MCTP2: variants seen among roughly 807,000 people sequenced by gnomAD.
MCTP2 encodes the protein multiple C2 and transmembrane domain containing 2, also known as multiple C2 and transmembrane domain-containing protein 2.
MCTP2 carries 132 observed loss-of-function variants against 111.6 expected under a neutral mutation model. The ratio of observed to expected loss-of-function variants is 1.18; its 90% CI spans 1.03 to 1.37. The LOEUF is 1.37. Among genes scored for constraint, MCTP2 ranks in the 40% most tolerant of loss-of-function variants. MCTP2 has a pLI of 0.00. For synonymous variants in MCTP2, 395 were observed against 387.7 expected, an observed-to-expected ratio of 1.02 and a Z score of -0.22; for missense variants, 1,183 against 1,067.9, an observed-to-expected ratio of 1.11 and a Z score of -1.50.
intron 22 of MCTP2, among the ~76,000 whole-genome samples, chr15:94,478,612 A>T (rs2074556941): frequency 6.6e-6 from 1 of 152,216 alleles, no homozygotes; most frequent in Non-Finnish European, 1.5e-5. Flanking sequence ...ATCCTCAGTA[A>T]GTTGCTGTAT....
chr15:94,460,767 C>G (rs1166464182), intron 20 of MCTP2, among the ~76,000 whole-genome samples: 2 of 152,218 alleles, frequency 1.3e-5, no homozygotes, highest in African/African-American at 4.8e-5. Context: ...AGCCCATGAA[C>G]AGAGTACTGT....
chr15:94,261,071 C>T (rs909801139), intron 1 of MCTP2, among the ~76,000 whole-genome samples: 20 of 152,102 alleles, frequency 1.3e-4, no homozygotes, highest in African/African-American at 4.6e-4. Context: ...AGTCAGAAAA[C>T]TTTTAAATCT....
At chr15:94,333,169 A>T (rs886511381) in intron 4 of MCTP2, among the ~76,000 whole-genome samples, 1 of 152,134 alleles carries the variant, frequency 6.6e-6, no homozygotes, top group African/African-American at 2.4e-5. Flanking sequence ...CAGAAGGTGG[A>T]GTAGGTTGCA....
In MCTP2 at chr15:94,466,048, C is replaced by T. The variant is rs116826156; in HGVS notation, c.2361-4285C>T. On this transcript the variant is annotated intron_variant, in intron 20 of 22. Coordinates refer to ENST00000357742, the MANE Select transcript of MCTP2 (RefSeq NM_001385001.1). ...AGTTTAAAATCCTGTCCAATTCATT[C>T]ATTGGGTTCTTAACTTCAATTATTA... Among the ~76,000 whole-genome samples, 231 of 152,258 alleles carry T rather than the reference C, an allele frequency of 1.5e-3. 1 individual carries two copies. Among genetic ancestry groups the T allele is most frequent in the African/African-American group, 5.2e-3 (217 of 41,564 alleles).
intron 1 of MCTP2, among the ~76,000 whole-genome samples, chr15:94,244,164 G>T (rs866591364): frequency 2.8e-5 from 4 of 141,242 alleles, no homozygotes; most frequent in African/African-American, 1.1e-4. Flanking sequence ...TTATATACAC[G>T]TGTATACACA....
chr15:94,402,316 C>T (rs1021718803), intron 17 of MCTP2: 20 of 985,066 alleles, frequency 2.0e-5, no homozygotes, highest in African/African-American at 8.7e-5. Flanking sequence ...TGCCAGTGAC[C>T]GCCCATAATT....
chr15:94,435,629 C>CTTTTTTTTTTTTTTTTT lies in MCTP2; in HGVS notation c.2086-4543_2086-4527dup, dbSNP rs202170550. Among the ~76,000 whole-genome samples, 52 of 117,916 alleles carry CTTTTTTTTTTTTTTTTT rather than the reference C, an allele frequency of 4.4e-4. 3 individuals are homozygous for CTTTTTTTTTTTTTTTTT. Among genetic ancestry groups the CTTTTTTTTTTTTTTTTT allele is most frequent in the East Asian group, 2.1e-3 (8 of 3,810 alleles). The allele number at this position is 117,916 out of a possible 152,430, so 77.4% of individuals were successfully genotyped here. A position where few individuals can be genotyped will look rare whatever the true frequency, so the allele number is the denominator to read the frequency against. On this transcript the variant is annotated intron_variant, in intron 17 of 22. Coordinates refer to ENST00000357742, the MANE Select transcript of MCTP2 (RefSeq NM_001385001.1). The stretch of plus-strand genomic sequence containing the variant: ...CTAAAAAAGTTGTACTTTTTTTATT[C>CTTTTTTTTTTTTTTTTT]TTTTTTTTTTTTTTTTTTTTGAGAC...
intron 19 of MCTP2, among the ~76,000 whole-genome samples, chr15:94,450,333 C>CGTGTGT (rs2084365651): frequency 6.6e-6 from 1 of 152,086 alleles, no homozygotes; most frequent in African/African-American, 2.4e-5. Flanking sequence ...GCGTTGACTC[C>CGTGTGT]ATGTGTGTGT....
rs780193083 is a variant in MCTP2, at chr15:94,340,870, A to T, written c.915A>T (p.Gly305=). Residue 305 remains glycine, a synonymous_variant, in exon 7 of 23, where the codon GGA becomes GGT. Coordinates refer to ENST00000357742, the MANE Select transcript of MCTP2 (RefSeq NM_001385001.1). ...CAAACAGTTTAGAAGATGACATGGG[A>T]GTGATCGTGTTAAATTTGAACCTAG... ...EDPNSLEDDM[G]VIVLNLNLVV... is the part of the protein sequence containing the mutation. 2.5e-6 allele frequency: 4 copies of T among 1,613,350 alleles called. No homozygotes were observed. The Admixed American group carries it at 6.7e-5, about 27-fold the overall frequency.
chr15:94,296,106 C>G (rs976563958), intron 1 of MCTP2, among the ~76,000 whole-genome samples: 11 of 152,154 alleles, frequency 7.2e-5, no homozygotes, highest in African/African-American at 2.7e-4. Context: ...GCTGGTTTGA[C>G]ACTTCCCATT....
intron 1 of MCTP2, among the ~76,000 whole-genome samples, chr15:94,278,703 G>GTT (rs34094265): frequency 0.25 from 38,154 of 151,560 alleles, 5,177 homozygotes; most frequent in South Asian, 0.42. Flanking sequence ...CTAACAGGTA[G>GTT]TTTTTTTTGA....
rs541154684 is a variant in MCTP2 at position 94,276,798 on chromosome 15, A to G, written c.-65-21403A>G. 2.8e-3 allele frequency among the ~76,000 whole-genome samples: 420 copies of G among 150,346 alleles called. 3 individuals carry two copies. Among genetic ancestry groups the G allele is most frequent in the African/African-American group, 8.9e-3 (363 of 40,618 alleles). Reference sequence around the variant, plus strand: ...AGATGCAGGAAAAAAATCTTTTGGCAAAATTCAGCACTTGTCCATCTTAAG... The same window carrying G: ...AGATGCAGGAAAAAAATCTTTTGGCGAAATTCAGCACTTGTCCATCTTAAG... On this transcript the variant is annotated intron_variant, in intron 1 of 22. Coordinates refer to ENST00000357742, the MANE Select transcript of MCTP2 (RefSeq NM_001385001.1).
chr15:94,376,929 T>C (rs1360475154), intron 12 of MCTP2, among the ~76,000 whole-genome samples: 3 of 152,194 alleles, frequency 2.0e-5, no homozygotes, highest in Non-Finnish European at 4.4e-5. Flanking sequence ...CTTTTTGTTG[T>C]TGTTGTTATA....
chr15:94,302,227 G>A (rs2075650527), intron 2 of MCTP2, among the ~76,000 whole-genome samples: 1 of 152,186 alleles, frequency 6.6e-6, no homozygotes, highest in Non-Finnish European at 1.5e-5. Flanking sequence ...GGGTGGTCAG[G>A]AAAGGCTTGA....
chr15:94,294,142 GA>G (rs2075153930), intron 1 of MCTP2, among the ~76,000 whole-genome samples: 1 of 152,154 alleles, frequency 6.6e-6, no homozygotes, highest in South Asian at 2.1e-4. Context: ...ATTCCGTTTA[GA>G]AAACATTCCC....
chr15:94,402,041 C>T (rs1167266911), intron 17 of MCTP2, 22 bp downstream of exon 17: 1 of 1,606,416 alleles, frequency 6.2e-7, no homozygotes, highest in African/African-American at 1.3e-5. Flanking sequence ...TTCTTATGTT[C>T]AAACTATTTG....
chr15:94,362,026 C>A (rs2078968921), intron 10 of MCTP2, among the ~76,000 whole-genome samples: 1 of 152,104 alleles, frequency 6.6e-6, no homozygotes, highest in African/African-American at 2.4e-5. Flanking sequence ...CCTGCAGATT[C>A]CCCCTGAGCC....
At chr15:94,396,345 CTG>C (rs1157141454) in intron 14 of MCTP2, among the ~76,000 whole-genome samples, 1 of 151,788 alleles carries the variant, frequency 6.6e-6, no homozygotes, top group Non-Finnish European at 1.5e-5. Context: ...TTAATTATGT[CTG>C]TTTAATTATT....
rs1311917299 is a variant in MCTP2 at position 94,231,619 on chromosome 15, C to G, written c.-111C>G. On this transcript the variant is annotated 5_prime_UTR_variant, in exon 1 of 23. Coordinates refer to ENST00000357742, the MANE Select transcript of MCTP2 (RefSeq NM_001385001.1). ...CAGCGGGTCCGGTGCAGGTGAGGGG[C>G]GCGCGCCTGCCCAGCTTTGCAGCCC... 1.3e-5 allele frequency: 2 copies of G among 152,372 alleles called. No individual in the cohort carries two copies. Among genetic ancestry groups the G allele is most frequent in the African/African-American group, 4.8e-5 (2 of 41,466 alleles). The allele number at this position is 152,372 out of a possible 1,614,324, so 9.4% of individuals were successfully genotyped here.
Sources: gnomAD v4.1 joint callset for allele counts (sites outside exome capture counted in the v4.1 genomes callset) on GRCh38, gnomAD v4.1.1 for gene constraint, MANE v1.5 for transcripts, NCBI Gene and HGNC (gene_info 2026-07-23, HGNC 2026-07-21) for gene names.